The following IPO11 variants were observed in gnomAD, a reference collection of about 807,000 sequenced individuals.
IPO11 encodes the protein importin-11.
A neutral mutation model predicts 143.2 loss-of-function variants in IPO11; 66 were observed. That is an observed-to-expected ratio of 0.46 (90% CI 0.38 to 0.57). IPO11 has a LOEUF of 0.57. Among genes scored for constraint, IPO11 ranks in the 20% least tolerant of loss-of-function variants. The probability of loss-of-function intolerance (pLI) is 0.00; values close to 1 mark genes in which losing one functional copy is unlikely to be tolerated. For missense variants in IPO11, 1,026 were observed against 1,141.0 expected (o/e 0.90, Z 1.45); for synonymous variants, 385 against 377.8 (o/e 1.02, Z -0.22).
chr5:62,438,845 A>T (rs1744337425), intron 2 of IPO11, among the ~76,000 whole-genome samples: 1 of 152,070 alleles, frequency 6.6e-6, no homozygotes, highest in Middle Eastern at 3.4e-3. Context: ...GAATCACGTG[A>T]CCAGGAGATT....
intron 28 of IPO11, among the ~76,000 whole-genome samples, chr5:62,592,078 G>A (rs537883263): frequency 1.3e-5 from 2 of 152,174 alleles, no homozygotes; most frequent in African/African-American, 2.4e-5. Context: ...TTGAACTCCC[G>A]ACCTCAAGTG....
At chr5:62,449,771 C>T in intron 3 of IPO11, 156 bp from the exon 4 acceptor site, 1 of 479,672 alleles carries the variant, frequency 2.1e-6, no homozygotes, top group South Asian at 4.6e-5. Flanking sequence ...ACAGTAGTGC[C>T]AATATACAAG....
In IPO11 at chr5:62,416,160, C is replaced by G. The variant is rs893077040; in HGVS notation, c.-7+3231C>G. Among the ~76,000 whole-genome samples, 298 of 123,066 alleles carry G rather than the reference C, an allele frequency of 2.4e-3. 2 individuals carry two copies. Among genetic ancestry groups the G allele is most frequent in the African/African-American group, 9.1e-3 (291 of 31,950 alleles). The allele number at this position is 123,066 out of a possible 152,430, so 80.7% of individuals were successfully genotyped here. ...GTACATGCACCTCTGCTGTATCTTT[C>G]TGTTTTCTTTTTTTTTCTTTTCTTT... On this transcript the variant is annotated intron_variant, in intron 1 of 29. Coordinates refer to ENST00000325324, the MANE Select transcript of IPO11 (RefSeq NM_016338.5).
intron 1 of IPO11, among the ~76,000 whole-genome samples, chr5:62,415,411 C>G (rs1371485418): frequency 6.6e-6 from 1 of 151,766 alleles, no homozygotes; most frequent in Non-Finnish European, 1.5e-5. Context: ...ACTCCACCCA[C>G]CTTGGCCTCC....
At chr5:62,421,278 A>G (rs570276082) in intron 1 of IPO11, among the ~76,000 whole-genome samples, 2 of 152,204 alleles carry the variant, frequency 1.3e-5, no homozygotes, top group African/African-American at 2.4e-5. Flanking sequence ...TTAGTTATGT[A>G]TTAATAACAT....
In IPO11 at chr5:62,457,871, G is replaced by A. The variant is rs538135318; in HGVS notation, c.516+5938G>A. 1.1e-4 allele frequency among the ~76,000 whole-genome samples: 17 copies of A among 152,232 alleles called. 1 individual carries two copies. Among genetic ancestry groups the A allele is most frequent in the Non-Finnish European group, 2.1e-4 (14 of 68,008 alleles). ...TTTATTTAAAAGATAAATGCCGGCC[G>A]GGCGCGGTGGCTCACGCCTGTAATC... On this transcript the variant is annotated intron_variant, in intron 5 of 29. Transcript: ENST00000325324.
In IPO11 at chr5:62,498,576, A is replaced by G. The variant is rs984436025; in HGVS notation, c.1590+4452A>G. Reference sequence around the variant, plus strand: ...TGAACTAATTATATCTTTAAGTTTCAGAAATTCAAAGGAAGTTTTTAGGAC... The same window carrying G: ...TGAACTAATTATATCTTTAAGTTTCGGAAATTCAAAGGAAGTTTTTAGGAC... On this transcript the variant is annotated intron_variant, in intron 16 of 29. Transcript: ENST00000325324. 2.6e-5 allele frequency among the ~76,000 whole-genome samples: 4 copies of G among 152,364 alleles called. No individual in the cohort carries two copies. In the East Asian group the frequency reaches 7.7e-4, roughly 29 times the overall value.
intron 20 of IPO11, among the ~76,000 whole-genome samples, chr5:62,517,268 A>G (rs1050514178): frequency 6.6e-6 from 1 of 152,166 alleles, no homozygotes; most frequent in Non-Finnish European, 1.5e-5. Flanking sequence ...TGATTACCTT[A>G]TAAAGATTAT....
chr5:62,412,866 C>A lies in IPO11; in HGVS notation c.-70C>A, dbSNP rs1218361260. ...TGGCAGCGTGGGGAGAGGGACCAAC[C>A]GACGCCACTTCGTGTTGGGAAGTGG... On this transcript the variant is annotated 5_prime_UTR_variant, in exon 1 of 30. Coordinates refer to ENST00000325324, the MANE Select transcript of IPO11 (RefSeq NM_016338.5). 1.3e-5 allele frequency: 2 copies of A among 152,622 alleles called. No individual in the cohort carries two copies. The highest frequency in any genetic ancestry group is 2.9e-5 in the Non-Finnish European group (2 of 68,060). 9.5% of individuals were successfully genotyped at this position (152,622 alleles called of 1,614,324 possible). A position where few individuals can be genotyped will look rare whatever the true frequency, so the allele number is the denominator to read the frequency against.
intron 29 of IPO11, among the ~76,000 whole-genome samples, chr5:62,614,058 C>T (rs1746031456): frequency 6.6e-6 from 1 of 152,168 alleles, no homozygotes. Context: ...TTTTCTTTTT[C>T]GCATGTGCAT....
chr5:62,413,668 C>T (rs1043478573), intron 1 of IPO11, among the ~76,000 whole-genome samples: 4 of 152,188 alleles, frequency 2.6e-5, no homozygotes, highest in Admixed American at 6.5e-5. Context: ...TACCTCCTCC[C>T]CTCCATAATT....
At chr5:62,529,554 G>A (rs1742476211) in intron 21 of IPO11, among the ~76,000 whole-genome samples, 1 of 151,810 alleles carries the variant, frequency 6.6e-6, no homozygotes, top group South Asian at 2.1e-4. Flanking sequence ...TTATATCAGT[G>A]CTATGTTTAA....
intron 11 of IPO11, 27 bp downstream of exon 11, chr5:62,484,189 A>G: frequency 1.9e-6 from 3 of 1,561,140 alleles, no homozygotes; most frequent in Non-Finnish European, 1.7e-6. Flanking sequence ...TAGTGTTAGA[A>G]TGACTTTTCT....
intron 20 of IPO11, among the ~76,000 whole-genome samples, chr5:62,525,366 TTTTGTGTG>T (rs1409464203): frequency 6.7e-6 from 1 of 148,460 alleles, no homozygotes; most frequent in Non-Finnish European, 1.5e-5. Context: ...CTTTTTTTTT[TTTTGTGTG>T]TGTGTGTGTG....
At chr5:62,620,304 G>A (rs982907383) in intron 29 of IPO11, among the ~76,000 whole-genome samples, 11 of 152,116 alleles carry the variant, frequency 7.2e-5, no homozygotes, top group African/African-American at 2.4e-4. Flanking sequence ...CGGATCACGA[G>A]GTCAGGAGAT....
intron 1 of IPO11, chr5:62,419,132 GTATT>G: frequency 6.5e-7 from 1 of 1,548,168 alleles, no homozygotes; most frequent in Non-Finnish European, 8.7e-7. Context: ...AAAATGGTAA[GTATT>G]TGTGTGTTTA....
chr5:62,534,196 T>C (rs1363187797), intron 22 of IPO11, among the ~76,000 whole-genome samples: 1 of 152,204 alleles, frequency 6.6e-6, no homozygotes, highest in East Asian at 1.9e-4. Context: ...TTAGTTCTAA[T>C]GGCTTTTTTT....
chr5:62,614,388 T>C (rs1746048308), intron 29 of IPO11, among the ~76,000 whole-genome samples: 1 of 152,212 alleles, frequency 6.6e-6, no homozygotes, highest in African/African-American at 2.4e-5. Context: ...TGGGTACTAT[T>C]TTGCCCTGCT....
chr5:62,460,138 T>C (rs1745303834), intron 5 of IPO11, among the ~76,000 whole-genome samples: 1 of 152,226 alleles, frequency 6.6e-6, no homozygotes, highest in Non-Finnish European at 1.5e-5. Context: ...ATTTAACTTT[T>C]ATCATCCTGA....
Sources: allele counts gnomAD v4.1 joint callset (sites outside exome capture counted in the v4.1 genomes callset), GRCh38; gene constraint gnomAD v4.1.1; transcripts MANE v1.5; gene names NCBI Gene and HGNC (gene_info 2026-07-23, HGNC 2026-07-21).